The following NRP2 variants were observed in gnomAD, a reference collection of about 807,000 sequenced individuals.
NRP2 encodes the protein neuropilin 2.
In NRP2, 52 loss-of-function variants were observed where a neutral mutation model predicts 110.4. The ratio of observed to expected loss-of-function variants is 0.47; its 90% CI spans 0.38 to 0.59. The LOEUF (loss-of-function observed/expected upper bound fraction) is 0.59. NRP2 is among the 20% of genes least tolerant of loss of function. NRP2 has a pLI of 0.00. For missense variants in NRP2, 1,049 were observed against 1,203.0 expected (o/e 0.87, Z 1.89); for synonymous variants, 508 against 468.9 (o/e 1.08, Z -1.08).
chr2:205,771,935 G>A (rs1383540085), intron 15 of NRP2, among the ~76,000 whole-genome samples: 2 of 152,250 alleles, frequency 1.3e-5, no homozygotes, highest in Non-Finnish European at 2.9e-5. Context: ...CAGGCAGTGG[G>A]CTGGATTTGG....
chr2:205,720,735 C>T (rs1263372757), intron 3 of NRP2, among the ~76,000 whole-genome samples: 4 of 152,196 alleles, frequency 2.6e-5, no homozygotes, highest in Admixed American at 2.0e-4. Flanking sequence ...TGCCTCATCC[C>T]GGGCCATTGA....
At chr2:205,733,595 A>C (rs374451303) in intron 7 of NRP2, among the ~76,000 whole-genome samples, 1 of 151,854 alleles carries the variant, frequency 6.6e-6, no homozygotes, top group African/African-American at 2.4e-5. Context: ...ATCTCTCCCC[A>C]CCTGGGAGTT....
In NRP2 at chr2:205,772,494, T is replaced by C. The variant is rs929013372; in HGVS notation, c.2425+5691T>C. ...TGCAAATGCACTTGGAGTTCAGTTA[T>C]TGACTATTTAAGTATCTGTTTCTGA... is the stretch of plus-strand genomic sequence containing the variant. On this transcript the variant is annotated intron_variant, in intron 15 of 16. Coordinates refer to ENST00000357785, the MANE Select transcript of NRP2 (RefSeq NM_003872.3). 1.3e-5 allele frequency among the ~76,000 whole-genome samples: 2 copies of C among 152,238 alleles called. 1 individual carries two copies. Among genetic ancestry groups the C allele is most frequent in the South Asian group, 4.1e-4 (2 of 4,832 alleles).
intron 3 of NRP2, chr2:205,722,186 C>T (rs1450588100): frequency 6.1e-4 from 278 of 456,834 alleles, no homozygotes; most frequent in Non-Finnish European, 8.1e-4. Flanking sequence ...CACACACACA[C>T]ACACACACAC....
rs2057429046 is a variant in NRP2, at chr2:205,740,944, G to T, written c.1291+281G>T. On this transcript the variant is annotated intron_variant, in intron 8 of 16. Transcript: ENST00000357785. ...TAACATATTTTATTATCCTCATAAG[G>T]ACTCCATGGGTATTATTCTCCTCAC... Among the ~76,000 whole-genome samples the T allele has an allele frequency of 2.6e-5, 4 of 152,282 alleles. No individual in the cohort carries two copies. The South Asian group carries it at 8.3e-4, about 32-fold the overall frequency.
At chr2:205,780,391 G>C (rs2058160685) in intron 15 of NRP2, among the ~76,000 whole-genome samples, 1 of 152,154 alleles carries the variant, frequency 6.6e-6, no homozygotes, top group Non-Finnish European at 1.5e-5. Context: ...CAGAAGGCCA[G>C]GTCTTTCTTG....
chr2:205,740,485 T>G, intron 7 of NRP2, 34 bp from the exon 8 acceptor site: 11 of 1,613,548 alleles, frequency 6.8e-6, no homozygotes, highest in Non-Finnish European at 9.3e-6. Context: ...CAAACAGGGG[T>G]TTCAATAACA....
chr2:205,700,170 G>C (rs1426886865), intron 2 of NRP2, among the ~76,000 whole-genome samples: 2 of 152,176 alleles, frequency 1.3e-5, no homozygotes, highest in Non-Finnish European at 2.9e-5. Flanking sequence ...TGGAAGTTCT[G>C]TCTTGTTCCG....
chr2:205,749,989 T>C (rs1342808341), intron 11 of NRP2, 148 bp downstream of exon 11: 4 of 700,338 alleles, frequency 5.7e-6, no homozygotes, highest in African/African-American at 1.8e-5. Flanking sequence ...CACTTAGGGG[T>C]TTGGGGCAGT....
At position 205,697,589 on chromosome 2, in the gene NRP2, T is replaced by C; in HGVS notation, c.119T>C (p.Ile40Thr). The change falls in exon 2 of 17, where the codon ATC becomes ACC. Residue 40 changes from isoleucine (I) to threonine (T), a missense_variant. By Grantham distance (89) the Ile-to-Thr change is moderately conservative (BLOSUM62 -1). Coordinates refer to ENST00000357785, the MANE Select transcript of NRP2 (RefSeq NM_003872.3). ...GRLNSKDAGY[I>T]TSPGYPQDYP... ...TTGAATTCCAAAGATGCTGGCTATA[T>C]CACCTCTCCCGGTTACCCCCAGGAC... 1 of 1,614,020 alleles carries C rather than the reference T, an allele frequency of 6.2e-7. No individual in the cohort carries two copies. Among genetic ancestry groups the C allele is most frequent in the Non-Finnish European group, 8.5e-7 (1 of 1,179,996 alleles).
chr2:205,723,744 A>G (rs2057067649), intron 4 of NRP2, 41 bp from the exon 5 acceptor site: 1 of 1,611,842 alleles, frequency 6.2e-7, no homozygotes, highest in Non-Finnish European at 8.5e-7. Flanking sequence ...CAAGTTTGAC[A>G]TTTTGATTTC....
intron 2 of NRP2, among the ~76,000 whole-genome samples, chr2:205,715,225 C>T (rs904226811): frequency 2.0e-5 from 3 of 152,226 alleles, no homozygotes; most frequent in East Asian, 1.9e-4. Context: ...GAGCACATAC[C>T]GGGGCTGGAA....
chr2:205,752,945 A>G lies in NRP2; in HGVS notation c.2014A>G (p.Ser672Gly). Residue 672 changes from serine (S) to glycine (G), a missense_variant, in exon 12 of 17, where the codon AGC (serine) becomes GGC (glycine). Coordinates refer to ENST00000357785, the MANE Select transcript of NRP2 (RefSeq NM_003872.3). ...GTGGCTCCGGACCACCTGGGCCAGC[A>G]GCTCCAGCCCAAACGACCGGACGTT... ...AKWLRTTWAS[S>G]SSPNDRTFPD... The G allele has an allele frequency of 3.1e-6, 5 of 1,614,006 alleles. No individual in the cohort carries two copies. Among genetic ancestry groups the G allele is most frequent in the Non-Finnish European group, 4.2e-6 (5 of 1,180,026 alleles).
intron 15 of NRP2, among the ~76,000 whole-genome samples, chr2:205,781,071 C>G (rs1402586603): frequency 6.6e-6 from 1 of 152,232 alleles, no homozygotes; most frequent in African/African-American, 2.4e-5. Context: ...GTCAACATTT[C>G]CTTGAGCTGA....
At chr2:205,716,488 A>G (rs1196851354) in intron 3 of NRP2, 114 bp downstream of exon 3, 5 of 982,176 alleles carry the variant, frequency 5.1e-6, no homozygotes, top group Non-Finnish European at 7.5e-6. Flanking sequence ...CAGCTTGAGC[A>G]TGGTGAGAGG....
At chr2:205,738,856 A>G (rs1244284262) in intron 7 of NRP2, among the ~76,000 whole-genome samples, 2 of 152,110 alleles carry the variant, frequency 1.3e-5, no homozygotes, top group Non-Finnish European at 2.9e-5. Flanking sequence ...TAAACTGAAT[A>G]TGGTGGACCA....
At chr2:205,792,406 A>G in intron 16 of NRP2, 121 bp downstream of exon 16, 2 of 730,880 alleles carry the variant, frequency 2.7e-6, no homozygotes, top group Admixed American at 2.1e-5. Flanking sequence ...TCAGAAATAT[A>G]TAAAAGAATC....
At chr2:205,768,282 A>T (rs2105928910) in intron 15 of NRP2, 1 of 152,332 alleles carries the variant, frequency 6.6e-6, no homozygotes, top group African/African-American at 2.4e-5. Flanking sequence ...CTGAGAGCCA[A>T]ACTGAACGAC....
At position 205,741,843 on chromosome 2, in the gene NRP2, G is replaced by A. The variant is rs2057447450; in HGVS notation, c.1291+1180G>A. On this transcript the variant is annotated intron_variant, in intron 8 of 16. Transcript: ENST00000357785. Reference sequence around the variant, plus strand: ...CTTGCCTACACTTTCTAACAACCCTGTGAGGTAAGGTGGGCCAGGGACTGA... The same window carrying A: ...CTTGCCTACACTTTCTAACAACCCTATGAGGTAAGGTGGGCCAGGGACTGA... 2.6e-5 allele frequency among the ~76,000 whole-genome samples: 4 copies of A among 152,170 alleles called. No individual in the cohort carries two copies. In the South Asian group the frequency reaches 8.3e-4, roughly 32 times the overall value.
Sources: gnomAD v4.1 joint callset for allele counts (sites outside exome capture counted in the v4.1 genomes callset) on GRCh38, gnomAD v4.1.1 for gene constraint, MANE v1.5 for transcripts, NCBI Gene and HGNC (gene_info 2026-07-23, HGNC 2026-07-21) for gene names.